The following PPP2R5E variants were observed in gnomAD, a reference collection of about 807,000 sequenced individuals.
PPP2R5E encodes protein phosphatase 2 regulatory subunit B'epsilon, also known as serine/threonine-protein phosphatase 2A 56 kDa regulatory subunit epsilon isoform.
A neutral mutation model predicts 65.3 loss-of-function variants in PPP2R5E; 4 were observed. The ratio of observed to expected loss-of-function variants is 0.06; its 90% CI spans 0.03 to 0.14. PPP2R5E has a LOEUF of 0.14. PPP2R5E is among the 10% of genes least tolerant of loss of function. The pLI, the probability that PPP2R5E is intolerant of heterozygous loss-of-function variation, is 1.00. For missense variants in PPP2R5E, 274 were observed against 556.1 expected (o/e 0.49, Z 5.10); for synonymous variants, 183 against 187.4 (o/e 0.98, Z 0.19).
At chr14:63,396,349 G>A (rs928905296) in intron 6 of PPP2R5E, among the ~76,000 whole-genome samples, 3 of 110,928 alleles carry the variant, frequency 2.7e-5, no homozygotes, top group East Asian at 3.3e-4. Context: ...GGAAGAGGAG[G>A]GTGGGAGGAG....
At chr14:63,446,479 A>C (rs956959066) in intron 3 of PPP2R5E, among the ~76,000 whole-genome samples, 4 of 152,198 alleles carry the variant, frequency 2.6e-5, no homozygotes, top group African/African-American at 4.8e-5. Context: ...AGACTTGAAA[A>C]TCAAAATTAC....
At chr14:63,398,474 A>G (rs933999253) in intron 5 of PPP2R5E, among the ~76,000 whole-genome samples, 1 of 152,196 alleles carries the variant, frequency 6.6e-6, no homozygotes, top group Non-Finnish European at 1.5e-5. Context: ...ATGGTCAATA[A>G]ACCATGAAAA....
chr14:63,443,131 T>C (rs1198809182), intron 3 of PPP2R5E, among the ~76,000 whole-genome samples: 1 of 152,006 alleles, frequency 6.6e-6, no homozygotes, highest in African/African-American at 2.4e-5. Context: ...ATAAAGCACT[T>C]AGATAACCAA....
chr14:63,449,447 T>C (rs535121299), intron 3 of PPP2R5E, among the ~76,000 whole-genome samples: 20 of 152,308 alleles, frequency 1.3e-4, no homozygotes, highest in Admixed American at 1.1e-3. Context: ...TTTATAAATA[T>C]TGTCGCTAGT....
chr14:63,411,658 T>TAAA lies in PPP2R5E; in HGVS notation c.549+3479_549+3481dup, dbSNP rs766263301. Among the ~76,000 whole-genome samples, 853 of 93,090 alleles carry TAAA rather than the reference T, an allele frequency of 9.2e-3. 15 individuals carry two copies. The highest frequency in any genetic ancestry group is 0.034 in the African/African-American group (807 of 23,414). 61.1% of individuals were successfully genotyped at this position (93,090 alleles called of 152,430 possible). ...TTAGCTACCGTGAGATGTGGTTGTT[T>TAAA]AAAAAAAAAAAAAAAAAAAAAAAAA... On this transcript the variant is annotated intron_variant, in intron 5 of 13. Coordinates refer to ENST00000337537, the MANE Select transcript of PPP2R5E (RefSeq NM_006246.5).
chr14:63,528,266 ACATTTGCC>A (rs2139748926), intron 2 of PPP2R5E, among the ~76,000 whole-genome samples: 1 of 152,314 alleles, frequency 6.6e-6, no homozygotes, highest in East Asian at 1.9e-4. Context: ...AAATCAGAGA[ACATTTGCC>A]CATAAAACTC....
intron 2 of PPP2R5E, among the ~76,000 whole-genome samples, chr14:63,465,246 T>C (rs1197559013): frequency 6.6e-6 from 1 of 152,016 alleles, no homozygotes; most frequent in Admixed American, 6.5e-5. Flanking sequence ...AATACTTATA[T>C]TTGCTATTTC....
Position 63,377,537 on chromosome 14 carries a change from A to G in PPP2R5E, c.1305-1429T>C, listed in dbSNP as rs146600001. ...TGAGGAAATGTTGAATTATAATGCC[A>G]TAATAGTCTGGTATTAACCAGAAAT... On this transcript the variant is annotated intron_variant, in intron 13 of 13. Transcript: ENST00000337537. Among the ~76,000 whole-genome samples the G allele has an allele frequency of 3.7e-4, 57 of 152,352 alleles. No homozygotes were observed. In the East Asian group the frequency reaches 0.011, roughly 28 times the overall value.
chr14:63,415,883 C>A (rs780062345), intron 4 of PPP2R5E, among the ~76,000 whole-genome samples: 1 of 152,136 alleles, frequency 6.6e-6, no homozygotes, highest in Non-Finnish European at 1.5e-5. Flanking sequence ...TCAATTATGT[C>A]ATGAGGAAAT....
At chr14:63,437,207 G>A (rs898669317) in intron 3 of PPP2R5E, among the ~76,000 whole-genome samples, 1 of 152,058 alleles carries the variant, frequency 6.6e-6, no homozygotes, top group Non-Finnish European at 1.5e-5. Flanking sequence ...CCCTCAGTTC[G>A]GGAACTACCT....
chr14:63,430,382 C>G (rs1887590101), intron 3 of PPP2R5E, among the ~76,000 whole-genome samples: 1 of 134,146 alleles, frequency 7.5e-6, no homozygotes, highest in African/African-American at 3.3e-5. Flanking sequence ...TGCATGCATA[C>G]ATACATACAT....
chr14:63,473,990 G>C (rs1430443321), intron 2 of PPP2R5E, among the ~76,000 whole-genome samples: 3 of 152,188 alleles, frequency 2.0e-5, no homozygotes, highest in Admixed American at 6.5e-5. Flanking sequence ...ACCTGAGGGA[G>C]AGACATTCAT....
chr14:63,396,215 TGGGGGAGGAGGAGAA>T (rs1885384649), intron 6 of PPP2R5E, among the ~76,000 whole-genome samples: 1 of 19,756 alleles, frequency 5.1e-5, no homozygotes, highest in Non-Finnish European at 9.0e-5. Flanking sequence ...GAGGAGGAGA[TGGGGGAGGAGGAGAA>T]GGGGGAGGAG....
At chr14:63,417,416 G>A (rs551219700) in intron 4 of PPP2R5E, among the ~76,000 whole-genome samples, 2 of 148,286 alleles carry the variant, frequency 1.3e-5, no homozygotes, top group African/African-American at 2.5e-5. Flanking sequence ...CAAAATATCC[G>A]CCAAATACCC....
chr14:63,424,402 A>G (rs1471582213), intron 3 of PPP2R5E, among the ~76,000 whole-genome samples: 1 of 152,162 alleles, frequency 6.6e-6, no homozygotes, highest in Non-Finnish European at 1.5e-5. Flanking sequence ...GCATATAGAT[A>G]ATACTTAAAG....
At chr14:63,414,274 T>G (rs1886566295) in intron 5 of PPP2R5E, among the ~76,000 whole-genome samples, 1 of 152,008 alleles carries the variant, frequency 6.6e-6, no homozygotes. Flanking sequence ...CCTGCCAAAT[T>G]AATGTTTTAC....
intron 3 of PPP2R5E, among the ~76,000 whole-genome samples, chr14:63,445,305 T>G (rs1888421607): frequency 6.6e-6 from 1 of 152,246 alleles, no homozygotes; most frequent in Admixed American, 6.5e-5. Context: ...TCCTGGTGCA[T>G]GTAAAAGTTG....
chr14:63,387,391 A>T (rs1189671859), intron 11 of PPP2R5E, among the ~76,000 whole-genome samples: 1 of 152,228 alleles, frequency 6.6e-6, no homozygotes, highest in East Asian at 1.9e-4. Flanking sequence ...GTGTCTGACA[A>T]CAGGACAGAG....
intron 2 of PPP2R5E, among the ~76,000 whole-genome samples, chr14:63,513,788 A>C (rs112870543): frequency 0.012 from 1,824 of 152,322 alleles, 32 homozygotes; most frequent in African/African-American, 0.042. Flanking sequence ...TATAGCGCTC[A>C]TCTTTCATTA....
Sources: allele counts gnomAD v4.1 joint callset (sites outside exome capture counted in the v4.1 genomes callset), GRCh38; gene constraint gnomAD v4.1.1; transcripts MANE v1.5; gene names NCBI Gene and HGNC (gene_info 2026-07-23, HGNC 2026-07-21).